LAMA1: variants seen among roughly 807,000 people sequenced by gnomAD.
LAMA1 encodes the protein laminin subunit alpha-1.
Under a neutral mutation model 348.7 loss-of-function variants are expected in LAMA1, and 219 were observed. That is an observed-to-expected ratio of 0.63 (90% confidence interval 0.56 to 0.70). The LOEUF is 0.70. LAMA1 is among the 30% of genes least tolerant of loss of function. The pLI, the probability that LAMA1 is intolerant of heterozygous loss-of-function variation, is 0.00. For missense variants in LAMA1, 3,744 were observed against 3,888.0 expected (o/e 0.96, Z 0.99); for synonymous variants, 1,487 against 1,491.0 (o/e 1.00, Z 0.06).
chr18:7,076,249 T>C (rs779802123), intron 3 of LAMA1, among the ~76,000 whole-genome samples: 2 of 152,090 alleles, frequency 1.3e-5, no homozygotes, highest in Non-Finnish European at 2.9e-5. Context: ...AATGGGGATA[T>C]GGGACAGAAA....
chr18:7,107,252 A>G lies in LAMA1; in HGVS notation c.61+10408T>C, dbSNP rs138153537. Among the ~76,000 whole-genome samples, 787 of 151,204 alleles carry G rather than the reference A, an allele frequency of 5.2e-3. 16 individuals are homozygous for G. In the East Asian group the frequency reaches 0.068, roughly 13 times the overall value. Reference sequence around the variant, plus strand: ...TCCTGCCTCTGCCTCCTGAGTAGCTAGGACTACAGGCACCCGCCACCACGC... The same window carrying G: ...TCCTGCCTCTGCCTCCTGAGTAGCTGGGACTACAGGCACCCGCCACCACGC... On this transcript the variant is annotated intron_variant, in intron 1 of 62. Coordinates refer to ENST00000389658, the MANE Select transcript of LAMA1 (RefSeq NM_005559.4).
At chr18:7,008,347 A>G in intron 28 of LAMA1, 141 bp downstream of exon 28, 1 of 1,002,776 alleles carries the variant, frequency 1.0e-6, no homozygotes. Flanking sequence ...ACATTTTACC[A>G]AAATTAATTT....
In LAMA1 at chr18:6,985,959, C is replaced by T. The variant is rs571193376; in HGVS notation, c.5379+178G>A. On this transcript the variant is annotated intron_variant, in intron 37 of 62. Coordinates refer to ENST00000389658, the MANE Select transcript of LAMA1 (RefSeq NM_005559.4). ...TTTTTAGTAGAGACCGGGGTTTCAC[C>T]ATGTTGGCCAGGATGGTCTCGATCT... Among the ~76,000 whole-genome samples, 300 of 152,226 alleles carry T rather than the reference C, an allele frequency of 2.0e-3. 2 individuals carry two copies. Among genetic ancestry groups the T allele is most frequent in the African/African-American group, 6.7e-3 (278 of 41,546 alleles).
chr18:6,952,772 G>A (rs1159521344), intron 57 of LAMA1, among the ~76,000 whole-genome samples: 1 of 151,912 alleles, frequency 6.6e-6, no homozygotes, highest in South Asian at 2.1e-4. Context: ...AGCCATGTCT[G>A]CCTATGTCCA....
At position 6,985,610 on chromosome 18, in the gene LAMA1, G is replaced by A; in HGVS notation, c.5413C>T (p.Leu1805=). 1 of 1,614,068 alleles carries A rather than the reference G, an allele frequency of 6.2e-7. No individual in the cohort carries two copies. Among genetic ancestry groups the A allele is most frequent in the Non-Finnish European group, 8.5e-7 (1 of 1,179,974 alleles). ...CCTTGGACAATGAGCTCTGAGGTCA[G>A]ATTTTGTTCTTCTTGAACATGCAGC... is the stretch of plus-strand genomic sequence containing the variant. ...KKLHVQEEQN[L]TSELIVQGRG... is the part of the protein sequence containing the mutation. Residue 1805 remains leucine (L), a synonymous_variant, in exon 38 of 63, where the codon CTG becomes TTG. Coordinates refer to ENST00000389658, the MANE Select transcript of LAMA1 (RefSeq NM_005559.4).
intron 57 of LAMA1, 169 bp downstream of exon 57, chr18:6,955,184 G>C (rs1019000173): frequency 1.5e-6 from 1 of 655,666 alleles, no homozygotes; most frequent in Non-Finnish European, 2.7e-6. Flanking sequence ...CCATGAAAGC[G>C]TTGTGATTTG....
At chr18:7,115,812 TA>T (rs1287701105) in intron 1 of LAMA1, among the ~76,000 whole-genome samples, 1,117 of 16,200 alleles carry the variant, frequency 0.069, 14 homozygotes, top group African/African-American at 0.18. Flanking sequence ...CCACTAAAAA[TA>T]CAAAAAAAAA....
At chr18:7,022,782 A>C (rs73938543) in intron 19 of LAMA1, among the ~76,000 whole-genome samples, 6,783 of 152,174 alleles carry the variant, frequency 0.045, 433 homozygotes, top group African/African-American at 0.14. Context: ...CCCACCCTTC[A>C]TCTTGGAATC....
At chr18:7,107,827 C>T (rs145529919) in intron 1 of LAMA1, among the ~76,000 whole-genome samples, 7 of 146,942 alleles carry the variant, frequency 4.8e-5, no homozygotes, top group Middle Eastern at 4.1e-3. Context: ...GTCCTGGCTA[C>T]CATGGTGAAA....
chr18:7,013,832 C>A lies in LAMA1; in HGVS notation c.3346G>T (p.Gly1116Trp), dbSNP rs199554880. ...QGLCGCVEET[G>W]ACPCKENVFG... Reference sequence around the variant, plus strand: ...GTAAATACCTTGCAAGGGCAGGCCCCGGTTTCCTCCACACAGCCGCAGAGA... The same window carrying A: ...GTAAATACCTTGCAAGGGCAGGCCCAGGTTTCCTCCACACAGCCGCAGAGA... Residue 1116 changes from glycine (G) to tryptophan (W), a missense_variant, in exon 23 of 63, where the codon GGG becomes TGG. Transcript: ENST00000389658. 2 of 1,610,968 alleles carry A rather than the reference C, an allele frequency of 1.2e-6. No homozygotes were observed. The highest frequency in any genetic ancestry group is 1.7e-5 in the Admixed American group (1 of 59,640).
intron 19 of LAMA1, among the ~76,000 whole-genome samples, chr18:7,018,234 G>A (rs572338592): frequency 6.7e-6 from 1 of 148,250 alleles, no homozygotes; most frequent in South Asian, 2.2e-4. Context: ...TACTTGGGAG[G>A]CTGAGGCAGG....
At chr18:7,041,503 A>G (rs2058020509) in intron 9 of LAMA1, among the ~76,000 whole-genome samples, 1 of 152,164 alleles carries the variant, frequency 6.6e-6, no homozygotes, top group African/African-American at 2.4e-5. Context: ...ATCCATTTTA[A>G]CTGCCAGTGG....
In LAMA1 at chr18:6,962,033, A is replaced by G. The variant is rs1568008970; in HGVS notation, c.7364T>C (p.Val2455Ala). 5 of 1,614,078 alleles carry G rather than the reference A, an allele frequency of 3.1e-6. No homozygotes were observed. Among genetic ancestry groups the G allele is most frequent in the Non-Finnish European group, 3.4e-6 (4 of 1,180,036 alleles). ...VRRGVTTKSF[V>A]GCIKNLEISR... ...TATTTCCAGGTTCTTGATGCAGCCC[A>G]CAAAGCTTTTGGTGGTGACACCTCT... The change falls in exon 52 of 63, where the codon GTG (valine) becomes GCG (alanine). Residue 2455 changes from valine to alanine, a missense_variant. Coordinates refer to ENST00000389658, the MANE Select transcript of LAMA1 (RefSeq NM_005559.4).
At chr18:7,081,962 T>C (rs1006645936) in intron 1 of LAMA1, among the ~76,000 whole-genome samples, 7 of 152,348 alleles carry the variant, frequency 4.6e-5, no homozygotes, top group African/African-American at 1.7e-4. Flanking sequence ...TGGCTTCCAC[T>C]GTTATTTTTT....
chr18:7,114,913 A>G (rs1425351558), intron 1 of LAMA1, among the ~76,000 whole-genome samples: 1 of 152,242 alleles, frequency 6.6e-6, no homozygotes, highest in African/African-American at 2.4e-5. Flanking sequence ...ACTAAAGATC[A>G]GTATATGTAT....
At chr18:6,969,811 T>C (rs2057650134) in intron 48 of LAMA1, among the ~76,000 whole-genome samples, 2 of 152,006 alleles carry the variant, frequency 1.3e-5, no homozygotes. Flanking sequence ...GAACAAAACA[T>C]GTGACCACCT....
chr18:7,004,431 C>T (rs528786566), intron 29 of LAMA1, among the ~76,000 whole-genome samples: 3 of 152,260 alleles, frequency 2.0e-5, no homozygotes, highest in Non-Finnish European at 4.4e-5. Flanking sequence ...CAGCTCACCG[C>T]AACCTCTGCC....
intron 27 of LAMA1, 134 bp downstream of exon 27, chr18:7,009,105 A>T: frequency 3.1e-6 from 3 of 952,492 alleles, no homozygotes; most frequent in Non-Finnish European, 5.0e-6. Context: ...ATTAATATTT[A>T]ACAATGTTTT....
chr18:7,042,348 G>A lies in LAMA1; in HGVS notation c.1156-98C>T. ...GGTATTGGCTTTTTACTCAAGATGG[G>A]ACTATTACGATGATTTTGTGCATGG... On this transcript the variant is annotated intron_variant, in intron 8 of 62. Transcript: ENST00000389658. The A allele has an allele frequency of 4.0e-6, 3 of 750,178 alleles. No individual in the cohort carries two copies. In the Admixed American group the frequency reaches 6.1e-5, roughly 15 times the overall value. The allele number at this position is 750,178 out of a possible 1,614,324, so 46.5% of individuals were successfully genotyped here.
Sources: allele counts gnomAD v4.1 joint callset (sites outside exome capture counted in the v4.1 genomes callset), GRCh38; gene constraint gnomAD v4.1.1; transcripts MANE v1.5; gene names NCBI Gene and HGNC (gene_info 2026-07-23, HGNC 2026-07-21).